Variants in ENTREP2 observed in about 807,000 individuals in gnomAD.
ENTREP2 encodes the protein protein ENTREP2.
At chr15:29,439,907 TA>T in the ENTREP2 span, among the ~76,000 whole-genome samples, 1 of 152,118 alleles carries the variant, frequency 6.6e-6, no homozygotes, top group Non-Finnish European at 1.5e-5. Context: ...TCACCAGTAG[TA>T]AGTCACATGT....
chr15:29,427,930 A>C, the ENTREP2 span, among the ~76,000 whole-genome samples: 1 of 152,136 alleles, frequency 6.6e-6, no homozygotes, highest in African/African-American at 2.4e-5. Flanking sequence ...TTTTTCCTTT[A>C]GGACACTCTT....
chr15:29,543,193 C>T, the ENTREP2 span, among the ~76,000 whole-genome samples: 3 of 152,148 alleles, frequency 2.0e-5, no homozygotes, highest in Non-Finnish European at 2.9e-5. Context: ...GAGGTAAGAG[C>T]AGGCTGGGTG....
chr15:29,223,558 G>C, the ENTREP2 span, among the ~76,000 whole-genome samples: 1 of 152,192 alleles, frequency 6.6e-6, no homozygotes, highest in African/African-American at 2.4e-5. Flanking sequence ...TATCAGTTTA[G>C]CCACTAATAC....
chr15:29,414,144 C>G, the ENTREP2 span, among the ~76,000 whole-genome samples: 1 of 152,094 alleles, frequency 6.6e-6, no homozygotes, highest in Non-Finnish European at 1.5e-5. Flanking sequence ...CTGCACCAAG[C>G]GGACCTAATA....
the ENTREP2 span, among the ~76,000 whole-genome samples, chr15:29,555,650 TC>T: frequency 6.6e-6 from 1 of 151,918 alleles, no homozygotes; most frequent in African/African-American, 2.4e-5. Flanking sequence ...TATTCCCAGA[TC>T]CCCCACCTGC....
the ENTREP2 span, among the ~76,000 whole-genome samples, chr15:29,646,496 T>C: frequency 3.3e-5 from 5 of 152,190 alleles, no homozygotes; most frequent in Non-Finnish European, 7.3e-5. Context: ...AAACCAGTGA[T>C]GGCACTTCAG....
At chr15:29,592,479 G>A in the ENTREP2 span, among the ~76,000 whole-genome samples, 1 of 152,322 alleles carries the variant, frequency 6.6e-6, no homozygotes, top group Admixed American at 6.5e-5. Context: ...GAGAGAGTGA[G>A]AGAAAGCAAG....
chr15:29,345,978 A>T, the ENTREP2 span, among the ~76,000 whole-genome samples: 2 of 152,230 alleles, frequency 1.3e-5, no homozygotes, highest in African/African-American at 4.8e-5. Context: ...TCCACAAATT[A>T]CTATGAGTTT....
chr15:29,468,871 G>A, the ENTREP2 span, among the ~76,000 whole-genome samples: 1 of 152,084 alleles, frequency 6.6e-6, no homozygotes, highest in Non-Finnish European at 1.5e-5. Context: ...AGGGCTTCAA[G>A]CAACTGTGGA....
chr15:29,394,878 ATCTCT>A, the ENTREP2 span, among the ~76,000 whole-genome samples: 1,122 of 42,874 alleles, frequency 0.026, 18 homozygotes, highest in African/African-American at 0.047. Context: ...ATGTGTCAGA[ATCTCT>A]TTTTTTTTTT....
At chr15:29,659,114 C>T in the ENTREP2 span, among the ~76,000 whole-genome samples, 1 of 152,132 alleles carries the variant, frequency 6.6e-6, no homozygotes. Flanking sequence ...GGGATCCACT[C>T]AATTGAAATA....
At chr15:29,368,685 AAC>A in the ENTREP2 span, among the ~76,000 whole-genome samples, 1 of 151,980 alleles carries the variant, frequency 6.6e-6, no homozygotes, top group Non-Finnish European at 1.5e-5. Context: ...CAGCCTGGGC[AAC>A]ATAGCAAGAT....
chr15:29,292,421 C>T, the ENTREP2 span, among the ~76,000 whole-genome samples: 1 of 151,438 alleles, frequency 6.6e-6, no homozygotes, highest in Non-Finnish European at 1.5e-5. Flanking sequence ...GCTCTTGTTG[C>T]CCAGGATGGA....
the ENTREP2 span, among the ~76,000 whole-genome samples, chr15:29,253,682 CTGCCCTCCT>C: frequency 2.0e-5 from 3 of 152,126 alleles, no homozygotes; most frequent in Non-Finnish European, 2.9e-5. Context: ...ACCTCATGAT[CTGCCCTCCT>C]TGGCCTCCCA....
At chr15:29,599,284 G>T in the ENTREP2 span, among the ~76,000 whole-genome samples, 2 of 152,346 alleles carry the variant, frequency 1.3e-5, no homozygotes, top group East Asian at 3.9e-4. Flanking sequence ...CTTGAAGGCT[G>T]TATTGACCAT....
the ENTREP2 span, among the ~76,000 whole-genome samples, chr15:29,180,439 C>T: frequency 1.1e-3 from 169 of 152,132 alleles, 1 homozygote; most frequent in African/African-American, 3.9e-3. Context: ...TCGAGGCAGG[C>T]GGATCACCTG....
At chr15:29,403,280 T>C in the ENTREP2 span, among the ~76,000 whole-genome samples, 2 of 152,154 alleles carry the variant, frequency 1.3e-5, no homozygotes, top group East Asian at 3.9e-4. Context: ...CCCAAACGTA[T>C]TCAAGAGCCT....
the ENTREP2 span, among the ~76,000 whole-genome samples, chr15:29,187,800 G>A: frequency 6.6e-6 from 1 of 152,352 alleles, no homozygotes; most frequent in Admixed American, 6.5e-5. Flanking sequence ...GAAATGCCGG[G>A]CAGTGAGGAG....
the ENTREP2 span, among the ~76,000 whole-genome samples, chr15:29,246,501 C>T: frequency 1.3e-5 from 2 of 151,658 alleles, no homozygotes; most frequent in East Asian, 3.9e-4. Context: ...TTGAGACCAG[C>T]CTGGCCAACA....
Sources: allele counts gnomAD v4.1 joint callset (sites outside exome capture counted in the v4.1 genomes callset), GRCh38; gene constraint gnomAD v4.1.1; transcripts MANE v1.5; gene names NCBI Gene and HGNC (gene_info 2026-07-23, HGNC 2026-07-21).